DHX32: variants seen among roughly 807,000 people sequenced by gnomAD.
The protein encoded by DHX32 is DEAH-box helicase 32 (putative), also known as putative pre-mRNA-splicing factor ATP-dependent RNA helicase DHX32.
Under a neutral mutation model 70.0 loss-of-function variants are expected in DHX32, and 51 were observed. The observed-to-expected ratio is 0.73, with a 90% CI of 0.58 to 0.92. The LOEUF (loss-of-function observed/expected upper bound fraction) is 0.92. Ranked by LOEUF, DHX32 falls within the 40% of genes least tolerant of loss-of-function variation. The pLI, the probability that DHX32 is intolerant of heterozygous loss-of-function variation, is 0.00. For missense variants in DHX32, 762 were observed against 891.8 expected (o/e 0.85, Z 1.85); for synonymous variants, 310 against 315.3 (o/e 0.98, Z 0.18).
intron 4 of DHX32, 41 bp from the exon 5 acceptor site, chr10:125,852,683 A>C: frequency 6.5e-7 from 1 of 1,547,054 alleles, no homozygotes; most frequent in Non-Finnish European, 8.8e-7. Context: ...CAGATAAGTC[A>C]TGATTCAGTA....
At chr10:125,842,203 C>T (rs758277231) in intron 6 of DHX32, 1 of 389,038 alleles carries the variant, frequency 2.6e-6, no homozygotes, top group Admixed American at 4.9e-5. Flanking sequence ...TGGAGCCTGC[C>T]AGCCTCCCTG....
chr10:125,864,991 C>G (rs978085525), intron 2 of DHX32, among the ~76,000 whole-genome samples: 18 of 141,782 alleles, frequency 1.3e-4, no homozygotes, highest in African/African-American at 4.7e-4. Context: ...ATATCTGATT[C>G]CATATCATGA....
rs375513792 is a variant in DHX32 at position 125,848,413 on chromosome 10, A to G, written c.1351+3880T>C. ...AACCCCAGGATACAAGAGGGCAGAC[A>G]CTCTACCCTAATTTTACAGATGAGA... On this transcript the variant is annotated intron_variant, in intron 6 of 10. Transcript: ENST00000284690. Among the ~76,000 whole-genome samples the G allele has an allele frequency of 9.2e-5, 14 of 152,274 alleles. No individual in the cohort carries two copies. The South Asian group carries it at 1.7e-3, about 18-fold the overall frequency.
intron 6 of DHX32, among the ~76,000 whole-genome samples, chr10:125,847,060 T>A (rs1467071585): frequency 6.6e-6 from 1 of 152,172 alleles, no homozygotes; most frequent in African/African-American, 2.4e-5. Flanking sequence ...TATTTTAGGG[T>A]TGGGACTTGG....
In DHX32 at chr10:125,859,623, C is replaced by T. The variant is rs1303057506; in HGVS notation, c.829G>A (p.Val277Ile). 4 of 1,595,444 alleles carry T rather than the reference C, an allele frequency of 2.5e-6. No homozygotes were observed. Among genetic ancestry groups the T allele is most frequent in the Non-Finnish European group, 3.4e-6 (4 of 1,171,856 alleles). ...CTTACTTGTTCACAGGCCAGAAAGA[C>T]TACAATGTCACCTTTCTCACCCGAG... Reference protein sequence around the residue: ...HHSGEKGDIVVFLACEQDIEK... With the variant: ...HHSGEKGDIVIFLACEQDIEK... The change falls in exon 3 of 11, where the codon GTC becomes ATC. Residue 277 changes from valine to isoleucine, a missense_variant. Val to Ile is a conservative substitution (Grantham distance 29). Coordinates refer to ENST00000284690, the MANE Select transcript of DHX32 (RefSeq NM_018180.3).
At chr10:125,875,093 C>T (rs1480554373) in intron 1 of DHX32, among the ~76,000 whole-genome samples, 1 of 152,088 alleles carries the variant, frequency 6.6e-6, no homozygotes, top group Non-Finnish European at 1.5e-5. Flanking sequence ...GTGGCACACA[C>T]TTGTAGTCCC....
chr10:125,855,220 CAAAA>C (rs752413341), intron 3 of DHX32, among the ~76,000 whole-genome samples: 4 of 73,638 alleles, frequency 5.4e-5, no homozygotes, highest in African/African-American at 1.5e-4. Flanking sequence ...GACTCCGTCT[CAAAA>C]AAAAAAAAAA....
At chr10:125,862,774 C>A (rs766880322) in intron 2 of DHX32, among the ~76,000 whole-genome samples, 1 of 152,080 alleles carries the variant, frequency 6.6e-6, no homozygotes, top group Non-Finnish European at 1.5e-5. Flanking sequence ...ATCACTCCAG[C>A]CCAGGAGGAG....
At chr10:125,861,013 A>G (rs555692172) in intron 2 of DHX32, among the ~76,000 whole-genome samples, 1 of 151,606 alleles carries the variant, frequency 6.6e-6, no homozygotes, top group African/African-American at 2.4e-5. Context: ...TGGCCTCCCA[A>G]AGTGCTGGGA....
chr10:125,846,167 C>T (rs561471942), intron 6 of DHX32, among the ~76,000 whole-genome samples: 4 of 152,322 alleles, frequency 2.6e-5, no homozygotes, highest in Non-Finnish European at 5.9e-5. Context: ...AAATTACCAA[C>T]GGTCTCCACT....
chr10:125,845,857 T>C (rs1944010062), intron 6 of DHX32, among the ~76,000 whole-genome samples: 1 of 152,196 alleles, frequency 6.6e-6, no homozygotes, highest in East Asian at 1.9e-4. Context: ...CCTCCGAGCT[T>C]AGCTGTGCCT....
Position 125,880,896 on chromosome 10 carries a change from C to T in DHX32, c.-72G>A, listed in dbSNP as rs1434568489. 4.2e-5 allele frequency: 65 copies of T among 1,531,954 alleles called. No homozygotes were observed. Among genetic ancestry groups the T allele is most frequent in the Non-Finnish European group, 5.0e-5 (57 of 1,138,982 alleles). The allele number at this position is 1,531,954 out of a possible 1,614,324, so 94.9% of individuals were successfully genotyped here. On this transcript the variant is annotated 5_prime_UTR_variant, in exon 1 of 11. Transcript: ENST00000284690. ...TCTCCTATCAGTAACCCATTGCAAACAGGGCTTAAAAGCCTATTTATACAA... is the reference window on the plus strand; with the variant it reads ...TCTCCTATCAGTAACCCATTGCAAATAGGGCTTAAAAGCCTATTTATACAA...
chr10:125,838,405 A>G lies in DHX32; in HGVS notation c.1882-18T>C, dbSNP rs1343083696. The G allele has an allele frequency of 6.5e-7, 1 of 1,547,696 alleles. No homozygotes were observed. Among genetic ancestry groups the G allele is most frequent in the East Asian group, 2.3e-5 (1 of 43,960 alleles). On this transcript the variant is annotated intron_variant, in intron 9 of 10. Transcript: ENST00000284690. ...CGAGCAATCTGAAAGGCAGAATTTT[A>G]AAGAAAAAAGATTTTGTATTAATAT...
rs761872798 is a variant in DHX32, at chr10:125,880,611, T to C, written c.214A>G (p.Met72Val). 1.9e-6 allele frequency: 3 copies of C among 1,614,142 alleles called. No homozygotes were observed. The East Asian group carries it at 6.7e-5, about 36-fold the overall frequency. ...LPIWKEKYSF[M>V]ENLLQNQIVI... ...ATTTGATTTTGAAGCAGGTTCTCCA[T>C]AAAGGAGTATTTTTCTTTCCATATA... The change falls in exon 1 of 11, where the codon ATG (methionine) becomes GTG (valine). Residue 72 changes from methionine (M) to valine (V), a missense_variant. Met to Val is a conservative substitution (Grantham distance 21, BLOSUM62 1). Around this residue, in one of 3 missense-constraint regions of DHX32, gnomAD observed 394 missense variants for 473.1 expected, o/e 0.83. Coordinates refer to ENST00000284690, the MANE Select transcript of DHX32 (RefSeq NM_018180.3).
intron 1 of DHX32, among the ~76,000 whole-genome samples, chr10:125,894,003 T>C (rs1359520135): frequency 2.0e-5 from 3 of 152,236 alleles, no homozygotes; most frequent in Non-Finnish European, 2.9e-5. Context: ...TTATTCCCGA[T>C]CCATAATGCT....
intron 2 of DHX32, among the ~76,000 whole-genome samples, chr10:125,860,999 A>G (rs1227798492): frequency 1.3e-5 from 2 of 151,468 alleles, no homozygotes; most frequent in Admixed American, 6.6e-5. Flanking sequence ...TGATCCAGCC[A>G]CCTTGGCCTC....
At chr10:125,860,084 C>A (rs1944176899) in intron 2 of DHX32, 109 bp from the exon 3 acceptor site, 5 of 1,073,820 alleles carry the variant, frequency 4.7e-6, no homozygotes, top group Non-Finnish European at 6.4e-6. Flanking sequence ...ATCAGTAACT[C>A]TAAATTTTTA....
At position 125,859,626 on chromosome 10, in the gene DHX32, C is replaced by T. The variant is rs748964197; in HGVS notation, c.826G>A (p.Val276Ile). The T allele has an allele frequency of 3.8e-6, 6 of 1,598,290 alleles. No individual in the cohort carries two copies. In the East Asian group the frequency reaches 1.3e-4, roughly 36 times the overall value. ...IHHSGEKGDI[V>I]VFLACEQDIE... ...ACTTGTTCACAGGCCAGAAAGACTA[C>T]AATGTCACCTTTCTCACCCGAGTGG... is the stretch of plus-strand genomic sequence containing the variant. The change falls in exon 3 of 11, where the codon GTA becomes ATA. Residue 276 changes from valine (V) to isoleucine (I), a missense_variant. Physicochemically the swap from Val to Ile is conservative, Grantham distance 29. Coordinates refer to ENST00000284690, the MANE Select transcript of DHX32 (RefSeq NM_018180.3).
At position 125,852,304 on chromosome 10, in the gene DHX32, A is replaced by G; in HGVS notation, c.1340T>C (p.Met447Thr). The G allele has an allele frequency of 6.2e-7, 1 of 1,614,106 alleles. No individual in the cohort carries two copies. Among genetic ancestry groups the G allele is most frequent in the Non-Finnish European group, 8.5e-7 (1 of 1,180,012 alleles). The change falls in exon 6 of 11, where the codon ATG (methionine) becomes ACG (threonine). Residue 447 changes from methionine (M) to threonine (T), a missense_variant. Coordinates refer to ENST00000284690, the MANE Select transcript of DHX32 (RefSeq NM_018180.3). ...GAGCATAAGGCTACCTGGTCTGTTC[A>G]TGAAGTCACAGTGGCCTAGGCCCGC... ...DIAGLGHCDF[M>T]NRPAPESLMQ... is the part of the protein sequence containing the mutation.
Sources: allele counts gnomAD v4.1 joint callset (sites outside exome capture counted in the v4.1 genomes callset), GRCh38; gene constraint gnomAD v4.1.1; regional missense constraint gnomAD v4.1.1; transcripts MANE v1.5; gene names NCBI Gene and HGNC (gene_info 2026-07-23, HGNC 2026-07-21).